The following GNG7 variants were observed in gnomAD, a reference collection of about 807,000 sequenced individuals.
GNG7 encodes the protein G protein subunit gamma 7.
A neutral mutation model predicts 4.0 loss-of-function variants in GNG7; 1 was observed. The observed-to-expected ratio is 0.25, with a 90% CI of 0.09 to 1.18. The LOEUF (loss-of-function observed/expected upper bound fraction) is 1.18, where lower values mean the gene tolerates loss of function less well. GNG7 is among the 50% of genes most tolerant of loss of function. The pLI is 0.50. For synonymous variants in GNG7, 34 were observed against 36.9 expected (o/e 0.92, Z 0.29); for missense variants, 86 against 91.9 (o/e 0.94, Z 0.26).
intron 2 of GNG7, among the ~76,000 whole-genome samples, chr19:2,597,546 G>A (rs1377220678): frequency 7.9e-5 from 12 of 151,402 alleles, no homozygotes; most frequent in Non-Finnish European, 1.6e-4. Flanking sequence ...GCAGTGAGCC[G>A]AGATCACGCC....
In GNG7 at chr19:2,614,670, TG is replaced by T. The variant is rs1297289828; in HGVS notation, c.-78+31553del. Among the ~76,000 whole-genome samples the T allele has an allele frequency of 6.6e-6, 1 of 152,212 alleles. No homozygotes were observed. The highest frequency in any genetic ancestry group is 2.4e-5 in the African/African-American group (1 of 41,446). ...CGTTCCAGTGTGTGGAGGGCCACGCTGTTTATCTATTTACCCACGGACGGAC... is the reference window on the plus strand; with the variant it reads ...CGTTCCAGTGTGTGGAGGGCCACGCTTTTATCTATTTACCCACGGACGGAC... On this transcript the variant is annotated intron_variant, in intron 2 of 4. Coordinates refer to ENST00000382159, the MANE Select transcript of GNG7 (RefSeq NM_052847.3). This position sits in a 1 kb window ranked among gnomAD's most constrained non-coding sequence, Gnocchi z 6.0.
chr19:2,520,531 T>C, intron 4 of GNG7, 77 bp downstream of exon 4: 1 of 774,126 alleles, frequency 1.3e-6, no homozygotes, highest in Non-Finnish European at 2.2e-6. Flanking sequence ...TCTGCCCTCC[T>C]GCCGAGCCTC....
chr19:2,535,890 C>G (rs1978720058), intron 3 of GNG7, among the ~76,000 whole-genome samples: 2 of 152,070 alleles, frequency 1.3e-5, no homozygotes, highest in Non-Finnish European at 2.9e-5. Flanking sequence ...CTTTGGGAGG[C>G]CAAGGTGGGA....
At chr19:2,583,909 G>A (rs1291168836) in intron 2 of GNG7, among the ~76,000 whole-genome samples, 1 of 152,010 alleles carries the variant, frequency 6.6e-6, no homozygotes, top group Admixed American at 6.6e-5. Flanking sequence ...AAAAAAAACA[G>A]ATTAAAGAAC....
chr19:2,658,040 G>A lies in GNG7; in HGVS notation c.-134-11760C>T, dbSNP rs80095905. 7.0e-3 allele frequency among the ~76,000 whole-genome samples: 1,070 copies of A among 152,062 alleles called. 14 individuals are homozygous for A. The highest frequency in any genetic ancestry group is 0.024 in the African/African-American group (1,012 of 41,458). On this transcript the variant is annotated intron_variant, in intron 1 of 4. Transcript: ENST00000382159. ...TGTCTTGTATCCAATAAATAACAGTGCAGCCTGGCATTTGGGGCCACTACC... is the reference window on the plus strand; with the variant it reads ...TGTCTTGTATCCAATAAATAACAGTACAGCCTGGCATTTGGGGCCACTACC...
At chr19:2,568,739 TACATAC>T (rs1980043425) in intron 2 of GNG7, among the ~76,000 whole-genome samples, 1 of 147,026 alleles carries the variant, frequency 6.8e-6, no homozygotes, top group Admixed American at 6.7e-5. Flanking sequence ...CACATATACA[TACATAC>T]ACACATACAC....
At chr19:2,598,467 C>T (rs1354856795) in intron 2 of GNG7, among the ~76,000 whole-genome samples, 1 of 150,954 alleles carries the variant, frequency 6.6e-6, no homozygotes, top group Non-Finnish European at 1.5e-5. Flanking sequence ...ACCATCCTGG[C>T]TAACACGGTG....
rs530285344 is a variant in GNG7, at chr19:2,554,762, T to C, written c.-38+387A>G. Among the ~76,000 whole-genome samples the C allele has an allele frequency of 2.0e-5, 3 of 152,048 alleles. No homozygotes were observed. The South Asian group carries it at 6.2e-4, about 32-fold the overall frequency. The stretch of plus-strand genomic sequence containing the variant: ...TAGAGACGGGGTTTCGCTGTGTTGG[T>C]CAGCCTGGTCTCAAACACCTGACCT... On this transcript the variant is annotated intron_variant, in intron 3 of 4. Transcript: ENST00000382159.
intron 1 of GNG7, among the ~76,000 whole-genome samples, chr19:2,649,711 C>G (rs1982760453): frequency 6.6e-6 from 1 of 152,084 alleles, no homozygotes; most frequent in South Asian, 2.1e-4. Flanking sequence ...TTTAAACAGC[C>G]TTATTGTGAA....
intron 2 of GNG7, among the ~76,000 whole-genome samples, chr19:2,593,752 A>C (rs1425602889): frequency 6.6e-6 from 1 of 150,462 alleles, no homozygotes; most frequent in East Asian, 2.0e-4. Flanking sequence ...TAAAAAAAAA[A>C]AAAAATTGCA....
chr19:2,532,432 C>A lies in GNG7; in HGVS notation c.-37-11707G>T, dbSNP rs192186555. ...ACAGAGAAAAATATCCAGAATGAAG[C>A]AAGACGACACAAAGGGAAAGAAACT... On this transcript the variant is annotated intron_variant, in intron 3 of 4. Coordinates refer to ENST00000382159, the MANE Select transcript of GNG7 (RefSeq NM_052847.3). Among the ~76,000 whole-genome samples the A allele has an allele frequency of 1.1e-3, 170 of 152,144 alleles. 2 individuals carry two copies. The highest frequency in any genetic ancestry group is 3.7e-3 in the African/African-American group (152 of 41,522).
chr19:2,552,024 C>T (rs969345530), intron 3 of GNG7, among the ~76,000 whole-genome samples: 51 of 152,246 alleles, frequency 3.3e-4, no homozygotes, highest in Middle Eastern at 3.4e-3. Context: ...CTTGCATTCC[C>T]GCCTGAGCTC....
chr19:2,599,474 G>C (rs1981134364), intron 2 of GNG7, among the ~76,000 whole-genome samples: 1 of 152,048 alleles, frequency 6.6e-6, no homozygotes, highest in African/African-American at 2.4e-5. Context: ...GACCTGGGAG[G>C]GGGGCCCTCG....
chr19:2,563,329 C>T (rs143438033), intron 2 of GNG7, among the ~76,000 whole-genome samples: 2,822 of 152,274 alleles, frequency 0.019, 50 homozygotes, highest in Admixed American at 0.037. Flanking sequence ...TGGGGTGGGG[C>T]CGTCCTCGGC....
At chr19:2,529,305 C>T (rs148608956) in intron 3 of GNG7, among the ~76,000 whole-genome samples, 3 of 152,214 alleles carry the variant, frequency 2.0e-5, no homozygotes, top group Non-Finnish European at 4.4e-5. Flanking sequence ...CAACCTCCGC[C>T]TCCCAGGTTC....
intron 2 of GNG7, among the ~76,000 whole-genome samples, chr19:2,581,225 C>G (rs1283852442): frequency 6.6e-6 from 1 of 151,712 alleles, no homozygotes; most frequent in Non-Finnish European, 1.5e-5. Flanking sequence ...TGATTAATCT[C>G]TGCTTCCTCC....
chr19:2,572,279 A>G (rs1375172980), intron 2 of GNG7, among the ~76,000 whole-genome samples: 1 of 151,220 alleles, frequency 6.6e-6, no homozygotes, highest in Non-Finnish European at 1.5e-5. Context: ...TCAGCTTCCC[A>G]CGTATCTGGG....
chr19:2,542,675 A>G (rs8113423), intron 3 of GNG7, among the ~76,000 whole-genome samples: 73,606 of 151,860 alleles, frequency 0.48, 18,253 homozygotes, highest in African/African-American at 0.59. Flanking sequence ...AAGCCACCAC[A>G]TATGCAGTAG....
rs958293337 is a variant in GNG7 at position 2,611,010 on chromosome 19, G to T, written c.-78+35214C>A. On this transcript the variant is annotated intron_variant, in intron 2 of 4. Transcript: ENST00000382159. The surrounding 1 kb of genome is among the most constrained non-coding windows in gnomAD (Gnocchi z 6.0). The stretch of plus-strand genomic sequence containing the variant: ...CGGGCTCACGTGCCAGGCTCGGGGG[G>T]GGGGAAGCGTCCTCAACATTCTCAG... The T allele has an allele frequency of 2.5e-5, 3 of 121,886 alleles. No individual in the cohort carries two copies. Among genetic ancestry groups the T allele is most frequent in the South Asian group, 3.4e-4 (1 of 2,970 alleles). 7.6% of individuals were successfully genotyped at this position (121,886 alleles called of 1,614,324 possible).
Sources: allele counts gnomAD v4.1 joint callset (sites outside exome capture counted in the v4.1 genomes callset), GRCh38; gene constraint gnomAD v4.1.1; non-coding constraint Gnocchi (gnomAD v3.1); transcripts MANE v1.5; gene names NCBI Gene and HGNC (gene_info 2026-07-23, HGNC 2026-07-21).